Variants in PHF24 observed in about 807,000 individuals in gnomAD.
PHF24 encodes the protein Galpha inhibitory interacting protein.
PHF24 carries 25 observed loss-of-function variants against 42.6 expected under a neutral mutation model. The observed-to-expected ratio is 0.59, with a 90% CI of 0.43 to 0.82. The LOEUF is 0.82. Ranked by LOEUF, PHF24 falls within the 40% of genes least tolerant of loss-of-function variation. The pLI is 0.00. For missense variants in PHF24, 470 were observed against 538.1 expected (o/e 0.87, Z 1.25); for synonymous variants, 185 against 204.8 (o/e 0.90, Z 0.83).
chr9:34,950,146 C>T, the PHF24 span, among the ~76,000 whole-genome samples: 22 of 151,608 alleles, frequency 1.5e-4, no homozygotes, highest in African/African-American at 3.1e-4. Context: ...GTCAGGAGTT[C>T]GAGACCAGCT....
At chr9:34,728,678 T>G in the PHF24 span, 1 of 1,550,646 alleles carries the variant, frequency 6.4e-7, no homozygotes, top group Non-Finnish European at 8.7e-7. Flanking sequence ...AACATTAGAA[T>G]GTGAAGCTGG....
At chr9:34,819,396 A>G in the PHF24 span, among the ~76,000 whole-genome samples, 1 of 152,116 alleles carries the variant, frequency 6.6e-6, no homozygotes, top group Admixed American at 6.5e-5. Flanking sequence ...TTTCTTTAAT[A>G]TCGGTATTTA....
At chr9:34,885,348 C>A in the PHF24 span, among the ~76,000 whole-genome samples, 1 of 152,172 alleles carries the variant, frequency 6.6e-6, no homozygotes, top group African/African-American at 2.4e-5. Context: ...ACGCTGAGGT[C>A]CTGTCCGAGG....
At chr9:34,926,807 A>G in the PHF24 span, among the ~76,000 whole-genome samples, 3 of 151,918 alleles carry the variant, frequency 2.0e-5, no homozygotes, top group African/African-American at 7.3e-5. The surrounding 1 kb of genome is among the most constrained non-coding windows in gnomAD (Gnocchi z 4.3). Flanking sequence ...ATGCAGGCAC[A>G]TGGCTTCCTG....
chr9:34,941,528 A>T, the PHF24 span, among the ~76,000 whole-genome samples: 1 of 152,182 alleles, frequency 6.6e-6, no homozygotes, highest in African/African-American at 2.4e-5. Flanking sequence ...TCTAAGGATG[A>T]ACCACTGGCC....
At chr9:34,842,410 C>T in the PHF24 span, among the ~76,000 whole-genome samples, 14,111 of 151,950 alleles carry the variant, frequency 0.093, 1,536 homozygotes, top group African/African-American at 0.26. Context: ...TGTGTGTGTC[C>T]CTCCAAATTT....
the PHF24 span, chr9:34,888,992 T>C: frequency 5.0e-6 from 2 of 397,872 alleles, no homozygotes; most frequent in African/African-American, 4.1e-5. Flanking sequence ...ACATAAGAAG[T>C]ACTTTTTAGG....
the PHF24 span, chr9:34,689,424 C>A: frequency 4.9e-6 from 1 of 204,566 alleles, no homozygotes; most frequent in South Asian, 1.2e-4. This position sits in a 1 kb window ranked among gnomAD's most constrained non-coding sequence, Gnocchi z 4.1. Context: ...TCCACCTCCC[C>A]CTTCCTATTC....
At chr9:34,866,023 T>C in the PHF24 span, among the ~76,000 whole-genome samples, 1 of 152,234 alleles carries the variant, frequency 6.6e-6, no homozygotes, top group Non-Finnish European at 1.5e-5. Flanking sequence ...CCTATTCAAT[T>C]GGTCAAAGAC....
the PHF24 span, among the ~76,000 whole-genome samples, chr9:34,696,394 A>G: frequency 6.6e-6 from 1 of 151,402 alleles, no homozygotes. Context: ...GGGCTGAGGC[A>G]GGAGAATCGC....
the PHF24 span, among the ~76,000 whole-genome samples, chr9:34,715,846 CAAGAGTCTGGA>C: frequency 6.6e-6 from 1 of 152,206 alleles, no homozygotes; most frequent in Admixed American, 6.5e-5. Flanking sequence ...GTGGGTGTTG[CAAGAGTCTGGA>C]AATCCCCTAA....
the PHF24 span, among the ~76,000 whole-genome samples, chr9:34,881,275 C>T: frequency 6.6e-6 from 1 of 152,126 alleles, no homozygotes; most frequent in Non-Finnish European, 1.5e-5. Flanking sequence ...CTAAAACTGA[C>T]ACCCTAACAT....
At chr9:34,709,973 A>G in the PHF24 span, 5 of 1,614,056 alleles carry the variant, frequency 3.1e-6, no homozygotes, top group Non-Finnish European at 4.2e-6. Flanking sequence ...CCTTAGCCCC[A>G]TGCAAGGCCC....
chr9:34,915,907 G>A, the PHF24 span, among the ~76,000 whole-genome samples: 1 of 22,700 alleles, frequency 4.4e-5, no homozygotes, highest in Non-Finnish European at 1.1e-4. Context: ...TCATGGAAGC[G>A]GTCCCCCCCC....
chr9:34,851,393 G>T, the PHF24 span, among the ~76,000 whole-genome samples: 1 of 152,176 alleles, frequency 6.6e-6, no homozygotes, highest in Non-Finnish European at 1.5e-5. Flanking sequence ...GTGGGTGTAG[G>T]ACCCTCCGAG....
chr9:34,847,701 A>G, the PHF24 span, among the ~76,000 whole-genome samples: 1 of 151,908 alleles, frequency 6.6e-6, no homozygotes. Context: ...GAATGCTTCC[A>G]GTTTTTGCCC....
At chr9:34,830,025 A>G in the PHF24 span, among the ~76,000 whole-genome samples, 1 of 152,194 alleles carries the variant, frequency 6.6e-6, no homozygotes, top group African/African-American at 2.4e-5. Flanking sequence ...TGGCTTTGAG[A>G]ATCATCAGTA....
chr9:34,884,801 A>G, the PHF24 span, among the ~76,000 whole-genome samples: 1 of 152,190 alleles, frequency 6.6e-6, no homozygotes, highest in Non-Finnish European at 1.5e-5. Context: ...TGAACAAAAC[A>G]AGGTGATGCT....
the PHF24 span, among the ~76,000 whole-genome samples, chr9:34,695,400 A>T: frequency 2.0e-5 from 3 of 152,140 alleles, no homozygotes; most frequent in Admixed American, 2.0e-4. Context: ...CTGGCTGTTT[A>T]TCTGTTCTTT....
Sources: gnomAD v4.1 joint callset for allele counts (sites outside exome capture counted in the v4.1 genomes callset) on GRCh38, gnomAD v4.1.1 for gene constraint, Gnocchi (gnomAD v3.1) non-coding constraint, MANE v1.5 for transcripts, NCBI Gene and HGNC (gene_info 2026-07-23, HGNC 2026-07-21) for gene names.